Variants in GMDS observed in about 807,000 individuals in gnomAD.
GMDS encodes GDP-mannose 4,6-dehydratase, also known as GDP-mannose 4,6 dehydratase.
In GMDS, 20 loss-of-function variants were observed where a neutral mutation model predicts 49.9. The ratio of observed to expected loss-of-function variants is 0.40; its 90% confidence interval spans 0.28 to 0.58. The LOEUF is 0.58. GMDS is among the 20% of genes least tolerant of loss of function. The pLI is 0.42. For missense variants in GMDS, 362 were observed against 481.4 expected (o/e 0.75, Z 2.32); for synonymous variants, 177 against 178.6 (o/e 0.99, Z 0.07).
In GMDS at chr6:1,687,693, G is replaced by T. The variant is rs80234248; in HGVS notation, c.987+38723C>A. 4.4e-4 allele frequency among the ~76,000 whole-genome samples: 67 copies of T among 152,244 alleles called. 1 individual carries two copies. In the East Asian group the frequency reaches 0.012, roughly 28 times the overall value. ...GAGGCAGGTGAAGAACGTGAGGGGG[G>T]TTCAGAGAAGCCACGGAGGCTTCTC... On this transcript the variant is annotated intron_variant, in intron 9 of 10. Coordinates refer to ENST00000380815, the MANE Select transcript of GMDS (RefSeq NM_001500.4).
intron 4 of GMDS, among the ~76,000 whole-genome samples, chr6:2,032,072 T>C (rs1768998248): frequency 6.6e-6 from 1 of 152,186 alleles, no homozygotes; most frequent in Non-Finnish European, 1.5e-5. Context: ...AGAACAAGTG[T>C]AGAAGTTAGA....
chr6:1,808,774 A>C (rs1329500662), intron 7 of GMDS, among the ~76,000 whole-genome samples: 3 of 152,240 alleles, frequency 2.0e-5, no homozygotes, highest in Non-Finnish European at 1.5e-5. Flanking sequence ...TTAAAAGATA[A>C]TAGCTAGAAT....
chr6:1,815,633 T>C (rs180988394), intron 7 of GMDS, among the ~76,000 whole-genome samples: 13 of 152,364 alleles, frequency 8.5e-5, no homozygotes, highest in African/African-American at 2.4e-4. Context: ...ACATCTTTTA[T>C]TAAAAATAAT....
At chr6:2,180,792 T>C (rs1433543238) in intron 1 of GMDS, among the ~76,000 whole-genome samples, 5 of 152,166 alleles carry the variant, frequency 3.3e-5, no homozygotes, top group African/African-American at 7.2e-5. Flanking sequence ...GTTTTTAAAC[T>C]GTTAGAACCA....
chr6:2,170,127 C>A (rs1455032507), intron 1 of GMDS, among the ~76,000 whole-genome samples: 1 of 151,350 alleles, frequency 6.6e-6, no homozygotes, highest in Non-Finnish European at 1.5e-5. Flanking sequence ...CGCTTGAACC[C>A]GGGAGGTGGA....
At chr6:2,234,906 A>T (rs749887141) in intron 1 of GMDS, among the ~76,000 whole-genome samples, 1 of 152,192 alleles carries the variant, frequency 6.6e-6, no homozygotes, top group Non-Finnish European at 1.5e-5. Flanking sequence ...TGGGCGGATC[A>T]CCTGAGGTCT....
chr6:1,828,717 A>T (rs915953771), intron 7 of GMDS, among the ~76,000 whole-genome samples: 1 of 152,238 alleles, frequency 6.6e-6, no homozygotes, highest in Non-Finnish European at 1.5e-5. Flanking sequence ...CAAGGCAGAA[A>T]ATAAGACATT....
intron 4 of GMDS, among the ~76,000 whole-genome samples, chr6:2,074,633 C>T (rs625781): frequency 0.13 from 19,436 of 152,120 alleles, 3,127 homozygotes; most frequent in African/African-American, 0.38. Flanking sequence ...AGTAGTTTTA[C>T]AGCTTTGGGT....
chr6:1,699,545 T>C (rs1765468198), intron 9 of GMDS, among the ~76,000 whole-genome samples: 1 of 152,132 alleles, frequency 6.6e-6, no homozygotes, highest in African/African-American at 2.4e-5. Flanking sequence ...ACCCGTTCCC[T>C]TGCCTTGTCC....
Position 1,952,319 on chromosome 6 carries a change from A to C in GMDS, c.643+7548T>G, listed in dbSNP as rs192729747. ...TAGAGAAAAATAGAAGTACACATGA[A>C]TTTCATTTCCACATACAGATAAAAA... is the stretch of plus-strand genomic sequence containing the variant. On this transcript the variant is annotated intron_variant, in intron 6 of 10. Transcript: ENST00000380815. Among the ~76,000 whole-genome samples, 210 of 152,346 alleles carry C rather than the reference A, an allele frequency of 1.4e-3. 1 individual carries two copies. The highest frequency in any genetic ancestry group is 4.9e-3 in the African/African-American group (203 of 41,582).
intron 7 of GMDS, among the ~76,000 whole-genome samples, chr6:1,821,607 ATTTGTTTTTT>A (rs1203260216): frequency 2.4e-5 from 2 of 82,966 alleles, no homozygotes; most frequent in Non-Finnish European, 4.6e-5. Flanking sequence ...CTAACAATTT[ATTTGTTTTTT>A]TTTTTTTTTT....
intron 4 of GMDS, among the ~76,000 whole-genome samples, chr6:2,059,140 C>T (rs1390782533): frequency 1.6e-5 from 2 of 127,266 alleles, no homozygotes; most frequent in Non-Finnish European, 3.1e-5. Context: ...CACGCCTCTG[C>T]ACTCCAGCCT....
chr6:1,958,918 A>G (rs915010438), intron 6 of GMDS, among the ~76,000 whole-genome samples: 2 of 152,222 alleles, frequency 1.3e-5, no homozygotes, highest in Non-Finnish European at 2.9e-5. Context: ...GTAAATCAGA[A>G]GTAATGATGG....
At chr6:2,176,772 C>T (rs750993164) in intron 1 of GMDS, among the ~76,000 whole-genome samples, 7 of 152,114 alleles carry the variant, frequency 4.6e-5, no homozygotes, top group Non-Finnish European at 8.8e-5. Context: ...GTAATTGCTT[C>T]CTTCCCTGCA....
At chr6:1,722,309 A>G (rs1766415991) in intron 9 of GMDS, among the ~76,000 whole-genome samples, 1 of 149,406 alleles carries the variant, frequency 6.7e-6, no homozygotes, top group African/African-American at 2.5e-5. Flanking sequence ...GGAAGGTCTC[A>G]ATCTCCTGAC....
intron 4 of GMDS, among the ~76,000 whole-genome samples, chr6:2,072,370 G>A (rs1001184992): frequency 6.6e-6 from 1 of 152,098 alleles, no homozygotes; most frequent in Admixed American, 6.5e-5. Flanking sequence ...TATCTACAAA[G>A]GCTTAGGATG....
chr6:2,191,997 A>G lies in GMDS; in HGVS notation c.102+53324T>C, dbSNP rs991986831. On this transcript the variant is annotated intron_variant, in intron 1 of 10. Coordinates refer to ENST00000380815, the MANE Select transcript of GMDS (RefSeq NM_001500.4). This position sits in a 1 kb window ranked among gnomAD's most constrained non-coding sequence, Gnocchi z 4.6. ...ACACTTCCTCCACTCTGAGGCCCAT[A>G]AAAGCCCCGGGCTCAGCTAGAGCAG... 6.6e-6 allele frequency among the ~76,000 whole-genome samples: 1 copy of G among 152,190 alleles called. No individual in the cohort carries two copies. The highest frequency in any genetic ancestry group is 1.5e-5 in the Non-Finnish European group (1 of 68,026).
intron 1 of GMDS, among the ~76,000 whole-genome samples, chr6:2,170,008 A>T (rs538411726): frequency 9.0e-4 from 137 of 152,338 alleles, no homozygotes; most frequent in South Asian, 2.1e-3. Flanking sequence ...GTTCACGACC[A>T]GCCTGACCAA....
At chr6:1,665,453 G>C (rs111415820) in intron 9 of GMDS, among the ~76,000 whole-genome samples, 2 of 152,124 alleles carry the variant, frequency 1.3e-5, no homozygotes, top group African/African-American at 4.8e-5. Context: ...CCTAAGAATC[G>C]AAAGTGACAA....
Sources: allele counts gnomAD v4.1 joint callset (sites outside exome capture counted in the v4.1 genomes callset), GRCh38; gene constraint gnomAD v4.1.1; non-coding constraint Gnocchi (gnomAD v3.1); transcripts MANE v1.5; gene names NCBI Gene and HGNC (gene_info 2026-07-23, HGNC 2026-07-21).